Variants in VRK2 observed in about 807,000 individuals in gnomAD.
VRK2 encodes the protein VRK serine/threonine kinase 2.
In VRK2, 60 loss-of-function variants were observed where a neutral mutation model predicts 57.6. The observed-to-expected ratio is 1.04, with a 90% CI of 0.85 to 1.29. VRK2 has a LOEUF of 1.29. VRK2 is among the 50% of genes most tolerant of loss of function. VRK2 has a pLI of 0.00. For synonymous variants in VRK2, 231 were observed against 199.2 expected, an observed-to-expected ratio of 1.16 and a Z score of -1.35; for missense variants, 705 against 588.1, an observed-to-expected ratio of 1.20 and a Z score of -2.06.
chr2:58,027,722 G>C (rs1421577317), intron 2 of VRK2, among the ~76,000 whole-genome samples: 1 of 152,128 alleles, frequency 6.6e-6, no homozygotes, highest in Non-Finnish European at 1.5e-5. Flanking sequence ...TATTACAAGT[G>C]TTTCAAACTA....
intron 1 of VRK2, among the ~76,000 whole-genome samples, chr2:58,023,909 T>TA (rs970565566): frequency 3.3e-5 from 5 of 151,122 alleles, no homozygotes; most frequent in Admixed American, 1.3e-4. Context: ...AGAGATTTAC[T>TA]AAAAAAAGGA....
chr2:58,002,587 T>C (rs1453362459), intron 1 of VRK2, among the ~76,000 whole-genome samples: 1 of 151,188 alleles, frequency 6.6e-6, no homozygotes, highest in East Asian at 1.9e-4. Flanking sequence ...CAGAGGATTA[T>C]TTTTTTTTAA....
At chr2:58,005,788 T>G (rs1421434288) in intron 1 of VRK2, among the ~76,000 whole-genome samples, 1 of 152,094 alleles carries the variant, frequency 6.6e-6, no homozygotes, top group Non-Finnish European at 1.5e-5. Flanking sequence ...AAGACCCAGA[T>G]GAAGCTAGGG....
At chr2:57,912,907 T>A (rs1320483685) in intron 1 of VRK2, among the ~76,000 whole-genome samples, 1 of 152,140 alleles carries the variant, frequency 6.6e-6, no homozygotes, top group Non-Finnish European at 1.5e-5. Flanking sequence ...CCCTCTTGAA[T>A]GGAATTAGTG....
chr2:58,061,441 A>T lies in VRK2; in HGVS notation c.136+12474A>T, dbSNP rs116801227. Among the ~76,000 whole-genome samples the T allele has an allele frequency of 4.2e-3, 633 of 152,108 alleles. 9 individuals are homozygous for T. The highest frequency in any genetic ancestry group is 0.014 in the African/African-American group (593 of 41,552). On this transcript the variant is annotated intron_variant, in intron 2 of 12. Transcript: ENST00000340157. ...GTGTATTATAATAAAATTGTCAGTTAACTACATTGGAAAAAAAGTCTGTAA... is the reference window on the plus strand; with the variant it reads ...GTGTATTATAATAAAATTGTCAGTTTACTACATTGGAAAAAAAGTCTGTAA...
At chr2:58,003,978 A>G (rs1051187968) in intron 1 of VRK2, among the ~76,000 whole-genome samples, 5 of 152,248 alleles carry the variant, frequency 3.3e-5, no homozygotes, top group African/African-American at 1.2e-4. Flanking sequence ...GATAGATACC[A>G]TTCCTAATTC....
chr2:57,942,793 G>C (rs1046281075), intron 1 of VRK2, among the ~76,000 whole-genome samples: 1 of 152,154 alleles, frequency 6.6e-6, no homozygotes, highest in African/African-American at 2.4e-5. Context: ...GCCAGGATGA[G>C]AGGGAAAATG....
intron 1 of VRK2, among the ~76,000 whole-genome samples, chr2:58,022,980 A>G (rs1055482729): frequency 1.3e-5 from 2 of 152,270 alleles, no homozygotes; most frequent in African/African-American, 4.8e-5. Flanking sequence ...TAAAATATAC[A>G]TAACATAAAA....
At chr2:58,116,094 A>T (rs1001619502) in intron 7 of VRK2, among the ~76,000 whole-genome samples, 28 of 152,194 alleles carry the variant, frequency 1.8e-4, no homozygotes, top group African/African-American at 6.8e-4. Context: ...TATAGGTTTT[A>T]GAAGCCCATG....
rs146303969 is a variant in VRK2, at chr2:58,115,444, G to A, written c.544-7657G>A. ...GGAAGTTACGAGAAATGTAGAGAGT[G>A]AGTTGAGCATAGTTTGTGATTTTTT... On this transcript the variant is annotated intron_variant, in intron 7 of 12. Transcript: ENST00000340157. Among the ~76,000 whole-genome samples the A allele has an allele frequency of 7.5e-3, 1,146 of 152,274 alleles. 19 individuals carry two copies. Among genetic ancestry groups the A allele is most frequent in the East Asian group, 0.056 (290 of 5,170 alleles).
At chr2:57,946,946 G>A (rs147638162) in intron 1 of VRK2, among the ~76,000 whole-genome samples, 1 of 152,226 alleles carries the variant, frequency 6.6e-6, no homozygotes, top group East Asian at 1.9e-4. Flanking sequence ...TCTTCATGAA[G>A]AAGTCTTCAG....
chr2:58,054,865 A>G (rs959399847), intron 2 of VRK2, among the ~76,000 whole-genome samples: 1 of 152,194 alleles, frequency 6.6e-6, no homozygotes, highest in Non-Finnish European at 1.5e-5. Context: ...CCATGAAAAA[A>G]TATTTTAGGA....
chr2:58,023,259 C>T (rs567009804), intron 1 of VRK2, among the ~76,000 whole-genome samples: 1 of 152,290 alleles, frequency 6.6e-6, no homozygotes, highest in African/African-American at 2.4e-5. Context: ...TGGCTTATGT[C>T]ACTTAGCATG....
rs941338846 is a variant in VRK2 at position 58,089,734 on chromosome 2, A to G, written c.543+11A>G. 4 of 1,580,956 alleles carry G rather than the reference A, an allele frequency of 2.5e-6. No homozygotes were observed. Among genetic ancestry groups the G allele is most frequent in the African/African-American group, 1.4e-5 (1 of 74,000 alleles). On this transcript the variant is annotated intron_variant, in intron 7 of 12. Transcript: ENST00000340157. ...AAAAATCCAGACCAGGTAAATACAT[A>G]CTTTTGCTTTTAATAAAGGTCTTTA...
At chr2:58,149,557 T>G (rs987564290) in intron 12 of VRK2, among the ~76,000 whole-genome samples, 2 of 151,650 alleles carry the variant, frequency 1.3e-5, no homozygotes, top group African/African-American at 4.8e-5. Flanking sequence ...TTACATCTGC[T>G]AGCAGCTCTA....
intron 1 of VRK2, among the ~76,000 whole-genome samples, chr2:58,022,373 T>C (rs959529316): frequency 1.3e-5 from 2 of 152,206 alleles, no homozygotes; most frequent in Non-Finnish European, 2.9e-5. Context: ...ATACATTGCC[T>C]AGAGTTCACA....
At chr2:57,973,543 C>A (rs1672157799) in intron 1 of VRK2, among the ~76,000 whole-genome samples, 1 of 151,648 alleles carries the variant, frequency 6.6e-6, no homozygotes, top group Admixed American at 6.6e-5. Context: ...TATATATTTA[C>A]CTCTCTTGCC....
intron 12 of VRK2, among the ~76,000 whole-genome samples, chr2:58,148,422 G>A (rs1682485479): frequency 6.6e-6 from 1 of 151,680 alleles, no homozygotes; most frequent in Non-Finnish European, 1.5e-5. Flanking sequence ...TCTGTATTAT[G>A]GATATCCTCT....
intron 1 of VRK2, among the ~76,000 whole-genome samples, chr2:58,005,193 T>G (rs1673205651): frequency 6.6e-6 from 1 of 152,184 alleles, no homozygotes. Flanking sequence ...ATGCAAAAAC[T>G]ATTTTGTCAG....
Sources: allele counts gnomAD v4.1 joint callset (sites outside exome capture counted in the v4.1 genomes callset), GRCh38; gene constraint gnomAD v4.1.1; transcripts MANE v1.5; gene names NCBI Gene and HGNC (gene_info 2026-07-23, HGNC 2026-07-21).